Variants in SYPL1 observed in about 807,000 individuals in gnomAD.
SYPL1 encodes synaptophysin like 1.
In SYPL1, 6 loss-of-function variants were observed where a neutral mutation model predicts 23.7. The ratio of observed to expected loss-of-function variants is 0.25; its 90% CI spans 0.14 to 0.50. The LOEUF is 0.50. SYPL1 is among the 20% of genes least tolerant of loss of function. SYPL1 has a pLI of 0.98. For synonymous variants in SYPL1, 102 were observed against 104.5 expected (o/e 0.98, Z 0.15); for missense variants, 253 against 288.9 (o/e 0.88, Z 0.90).
intron 1 of SYPL1, among the ~76,000 whole-genome samples, chr7:106,107,632 C>T (rs1305972301): frequency 1.3e-5 from 2 of 150,430 alleles, no homozygotes; most frequent in Non-Finnish European, 2.9e-5. Context: ...GTCCCAGCTA[C>T]TTGGGAGGGT....
intron 1 of SYPL1, 93 bp from the exon 2 acceptor site, chr7:106,099,375 T>C: frequency 7.2e-7 from 1 of 1,390,478 alleles, no homozygotes. Flanking sequence ...AGCACACTGA[T>C]TATTAAAAAT....
At chr7:106,099,349 G>C in intron 1 of SYPL1, 67 bp from the exon 2 acceptor site, 2 of 1,529,710 alleles carry the variant, frequency 1.3e-6, no homozygotes, top group South Asian at 2.5e-5. Context: ...CCAAAACAAG[G>C]GTCACTAAAA....
Position 106,112,275 on chromosome 7 carries a change from G to GCAGC in SYPL1, c.-71_-68dup. On this transcript the variant is annotated 5_prime_UTR_variant, in exon 1 of 5. Transcript: ENST00000455385. ...GGAGGAGGGGACCGACGAGACCAGAGCAGCCCGGTGGCGAGGAAGGGCAGG... is the reference window on the plus strand; with the variant it reads ...GGAGGAGGGGACCGACGAGACCAGAGCAGCCAGCCCGGTGGCGAGGAAGGGCAGG... The GCAGC allele has an allele frequency of 6.9e-7, 1 of 1,449,618 alleles. No individual in the cohort carries two copies. Among genetic ancestry groups the GCAGC allele is most frequent in the Non-Finnish European group, 9.2e-7 (1 of 1,086,062 alleles). The allele number at this position is 1,449,618 out of a possible 1,614,324, so 89.8% of individuals were successfully genotyped here.
Position 106,096,705 on chromosome 7 carries a change from C to G in SYPL1, c.402+985G>C, listed in dbSNP as rs1430656194. On this transcript the variant is annotated intron_variant, in intron 3 of 4. Transcript: ENST00000455385. The surrounding 1 kb of genome is among the most constrained non-coding windows in gnomAD (Gnocchi z 4.4). The stretch of plus-strand genomic sequence containing the variant: ...AAGATTCAAAATTAGTTCATGGTTG[C>G]CACTAATGCTGAGTATAAGAATTAC... Among the ~76,000 whole-genome samples, 1 of 152,152 alleles carries G rather than the reference C, an allele frequency of 6.6e-6. No homozygotes were observed. The highest frequency in any genetic ancestry group is 1.9e-4 in the East Asian group (1 of 5,194).
Position 106,096,906 on chromosome 7 carries a change from C to CA in SYPL1, c.402+783dup, listed in dbSNP as rs1253097505. Among the ~76,000 whole-genome samples, 3 of 151,690 alleles carry CA rather than the reference C, an allele frequency of 2.0e-5. No homozygotes were observed. Among genetic ancestry groups the CA allele is most frequent in the Non-Finnish European group, 4.4e-5 (3 of 67,902 alleles). On this transcript the variant is annotated intron_variant, in intron 3 of 4. Transcript: ENST00000455385. The surrounding 1 kb of genome is among the most constrained non-coding windows in gnomAD (Gnocchi z 4.4). ...TAAATGATTGTGTATGGCTGAGTTC[C>CA]AAAAAAAACCTTTATTTAAAAAAAC...
In SYPL1 at chr7:106,091,588, T is replaced by A. The variant is rs532267434; in HGVS notation, c.*217A>T. 1.4e-5 allele frequency: 6 copies of A among 440,802 alleles called. No homozygotes were observed. The highest frequency in any genetic ancestry group is 2.3e-5 in the Non-Finnish European group (6 of 256,552). The allele number at this position is 440,802 out of a possible 1,614,324, so 27.3% of individuals were successfully genotyped here. A position where few individuals can be genotyped will look rare whatever the true frequency, so the allele number is the denominator to read the frequency against. On this transcript the variant is annotated 3_prime_UTR_variant, in exon 5 of 5. Transcript: ENST00000455385. This position sits in a 1 kb window ranked among gnomAD's most constrained non-coding sequence, Gnocchi z 5.0. ...TTTAAAAATGTGTATCATTTCATAA[T>A]AGACCCCTGAACTTTCAAATTTACA...
In SYPL1 at chr7:106,109,956, T is replaced by C. The variant is rs1334238320; in HGVS notation, c.69+2184A>G. 6.6e-6 allele frequency among the ~76,000 whole-genome samples: 1 copy of C among 152,156 alleles called. No homozygotes were observed. The highest frequency in any genetic ancestry group is 2.4e-5 in the African/African-American group (1 of 41,448). ...GAGGGATGGATTGGAAAGGTCAGAA[T>C]TGGAGGGAGAAATCGATTGATTGAG... On this transcript the variant is annotated intron_variant, in intron 1 of 4. Coordinates refer to ENST00000455385, the MANE Select transcript of SYPL1 (RefSeq NM_182715.4). The surrounding 1 kb of genome is among the most constrained non-coding windows in gnomAD (Gnocchi z 4.3).
intron 2 of SYPL1, 79 bp downstream of exon 2, chr7:106,099,079 C>A: frequency 6.5e-7 from 1 of 1,535,906 alleles, no homozygotes; most frequent in South Asian, 1.3e-5. Context: ...CCCCCACAAT[C>A]AATAAATTGC....
Position 106,097,838 on chromosome 7 carries a change from T to C in SYPL1, c.254A>G (p.Lys85Arg). Reference protein sequence around the residue: ...PGVNICDVNWKDYVLIGDYSS... With the variant: ...PGVNICDVNWRDYVLIGDYSS... ...GTAATCGCCTATGAGGACGTAATCT[T>C]TCCAATTTACATCACATATGTTTAC... The change falls in exon 3 of 5, where the codon AAA becomes AGA. Residue 85 changes from lysine (K) to arginine (R), a missense_variant. Transcript: ENST00000455385. This position sits in a 1 kb window ranked among gnomAD's most constrained non-coding sequence, Gnocchi z 4.6. 6.2e-7 allele frequency: 1 copy of C among 1,613,972 alleles called. No individual in the cohort carries two copies. Among genetic ancestry groups the C allele is most frequent in the Admixed American group, 1.7e-5 (1 of 60,018 alleles).
chr7:106,108,041 A>T (rs1017129193), intron 1 of SYPL1, among the ~76,000 whole-genome samples: 4 of 152,166 alleles, frequency 2.6e-5, no homozygotes, highest in African/African-American at 9.6e-5. Context: ...CTAAAAATAC[A>T]AAACTTAGCT....
At chr7:106,112,440 G>A (rs756581995), upstream of SYPL1, 7 of 1,424,962 alleles carry the variant, frequency 4.9e-6, no homozygotes, top group South Asian at 8.5e-5. Context: ...CGAGGGGCGG[G>A]CCGGGGCGGA....
At chr7:106,111,513 C>T (rs922796845) in intron 1 of SYPL1, among the ~76,000 whole-genome samples, 2 of 152,222 alleles carry the variant, frequency 1.3e-5, no homozygotes, top group Non-Finnish European at 2.9e-5. Flanking sequence ...CCCAAACAAA[C>T]TCGATGTCCA....
At chr7:106,107,615 G>A (rs374099291) in intron 1 of SYPL1, among the ~76,000 whole-genome samples, 3 of 151,946 alleles carry the variant, frequency 2.0e-5, no homozygotes, top group African/African-American at 7.3e-5. Flanking sequence ...GGTGGCACAC[G>A]CCTGTAGTCC....
At chr7:106,107,869 A>C (rs1189335890) in intron 1 of SYPL1, among the ~76,000 whole-genome samples, 1 of 152,108 alleles carries the variant, frequency 6.6e-6, no homozygotes, top group Non-Finnish European at 1.5e-5. Context: ...TGTCACCTTA[A>C]ATCTCTGAGG....
chr7:106,099,082 T>C, intron 2 of SYPL1, 76 bp downstream of exon 2: 1 of 1,542,100 alleles, frequency 6.5e-7, no homozygotes, highest in Non-Finnish European at 8.7e-7. Context: ...CCACAATCAA[T>C]AAATTGCTGG....
rs544557917 is a variant in SYPL1 at position 106,091,950 on chromosome 7, G to A, written c.592-11C>T. ...TAGAAAGCCAAATATCTATGAAAGA[G>A]AAAAAGAAATATGAAAATCAAATAC... On this transcript the variant is annotated splice_polypyrimidine_tract_variant and intron_variant, in intron 4 of 4. Transcript: ENST00000455385. This position sits in a 1 kb window ranked among gnomAD's most constrained non-coding sequence, Gnocchi z 5.0. 13 of 1,587,800 alleles carry A rather than the reference G, an allele frequency of 8.2e-6. No individual in the cohort carries two copies. In the African/African-American group the frequency reaches 1.8e-4, roughly 22 times the overall value.
chr7:106,101,596 A>G lies in SYPL1; in HGVS notation c.70-2314T>C, dbSNP rs530754420. On this transcript the variant is annotated intron_variant, in intron 1 of 4. Transcript: ENST00000455385. ...TTTTACAGGATTTCAAAATATGTAA[A>G]AGTAACTTTCCTTGGAAAATGTGTC... is the stretch of plus-strand genomic sequence containing the variant. Among the ~76,000 whole-genome samples, 3 of 152,054 alleles carry G rather than the reference A, an allele frequency of 2.0e-5. 1 individual carries two copies. The South Asian group carries it at 6.2e-4, about 32-fold the overall frequency.
chr7:106,112,570 G>A, upstream of SYPL1: 2 of 1,487,508 alleles, frequency 1.3e-6, no homozygotes, highest in Non-Finnish European at 1.8e-6. Context: ...TTCAGCCCCT[G>A]GCACTCGGTC....
chr7:106,112,017 C>T, intron 1 of SYPL1, 123 bp downstream of exon 1: 1 of 1,134,948 alleles, frequency 8.8e-7, no homozygotes, highest in Middle Eastern at 3.7e-4. Flanking sequence ...CACTCCCAGT[C>T]CCGGGGCGGC....
Sources: gnomAD v4.1 joint callset for allele counts (sites outside exome capture counted in the v4.1 genomes callset) on GRCh38, gnomAD v4.1.1 for gene constraint, Gnocchi (gnomAD v3.1) non-coding constraint, MANE v1.5 for transcripts, NCBI Gene and HGNC (gene_info 2026-07-23, HGNC 2026-07-21) for gene names.